MAMDC2: variants seen among roughly 807,000 people sequenced by gnomAD.
MAMDC2 encodes the protein MAM domain-containing protein 2.
MAMDC2 carries 57 observed loss-of-function variants against 89.8 expected under a neutral mutation model. The observed-to-expected ratio is 0.63, with a 90% CI of 0.51 to 0.79. The LOEUF is 0.79. Ranked by LOEUF, MAMDC2 falls within the 30% of genes least tolerant of loss-of-function variation. The pLI, the probability that MAMDC2 is intolerant of heterozygous loss-of-function variation, is 0.00. For missense variants in MAMDC2, 800 were observed against 820.6 expected, an observed-to-expected ratio of 0.97 and a Z score of 0.31; for synonymous variants, 313 against 293.4, an observed-to-expected ratio of 1.07 and a Z score of -0.68.
chr9:70,053,310 G>A (rs1223359220), intron 2 of MAMDC2, among the ~76,000 whole-genome samples: 1 of 152,206 alleles, frequency 6.6e-6, no homozygotes, highest in Non-Finnish European at 1.5e-5. Context: ...AATAAAACAA[G>A]TGGTATCATT....
intron 9 of MAMDC2, among the ~76,000 whole-genome samples, chr9:70,145,025 T>C (rs1420997698): frequency 1.3e-5 from 2 of 152,222 alleles, no homozygotes; most frequent in Non-Finnish European, 2.9e-5. Flanking sequence ...AAAACTATTT[T>C]CCATTGCTAG....
chr9:70,059,743 T>C (rs1827105851), intron 2 of MAMDC2, among the ~76,000 whole-genome samples: 2 of 152,238 alleles, frequency 1.3e-5, no homozygotes, highest in African/African-American at 4.8e-5. Flanking sequence ...GTGTAATGGC[T>C]GATGGCTATG....
At chr9:70,183,503 A>G (rs1263334789) in intron 11 of MAMDC2, among the ~76,000 whole-genome samples, 1 of 152,126 alleles carries the variant, frequency 6.6e-6, no homozygotes, top group Non-Finnish European at 1.5e-5. Context: ...GTCTTTAGGA[A>G]CTTGCTTTAT....
At chr9:70,077,648 G>A (rs546918160) in intron 2 of MAMDC2, among the ~76,000 whole-genome samples, 8 of 152,308 alleles carry the variant, frequency 5.3e-5, no homozygotes, top group African/African-American at 1.7e-4. Flanking sequence ...ATGAGAAATT[G>A]AGATGATGGT....
intron 11 of MAMDC2, among the ~76,000 whole-genome samples, chr9:70,187,884 T>C (rs1159982521): frequency 6.6e-6 from 1 of 152,220 alleles, no homozygotes; most frequent in Non-Finnish European, 1.5e-5. Context: ...TGTTTTCATT[T>C]TCTTTAAGGT....
chr9:70,140,160 C>T lies in MAMDC2; in HGVS notation c.1010C>T (p.Ala337Val), dbSNP rs761756187. 3.8e-6 allele frequency: 6 copies of T among 1,587,240 alleles called. No homozygotes were observed. The South Asian group carries it at 4.7e-5, about 12-fold the overall frequency. The change falls in exon 8 of 14, where the codon GCC (alanine) becomes GTC (valine). Residue 337 changes from alanine to valine, a missense_variant. Physicochemically the swap from Ala to Val is moderately conservative, Grantham distance 64. Coordinates refer to ENST00000377182, the MANE Select transcript of MAMDC2 (RefSeq NM_153267.5). The stretch of plus-strand genomic sequence containing the variant: ...CTTTGCTCAGAACTTCTGTTCAGTG[C>T]CGTGGAAGCCAGCTGCAATTTTGAG... ...CQNQTELLFSAVEASCNFEQD... is the reference protein window; with the variant it reads ...CQNQTELLFSVVEASCNFEQD...
In MAMDC2 at chr9:70,065,159, G is replaced by A. The variant is rs117699763; in HGVS notation, c.148+20462G>A. 2.6e-5 allele frequency among the ~76,000 whole-genome samples: 4 copies of A among 152,176 alleles called. No individual in the cohort carries two copies. In the East Asian group the frequency reaches 5.8e-4, roughly 22 times the overall value. ...TACTTATCCAAAAACCATGTGTATC[G>A]GTTTTCTAAATCTTGAAGGCAAGTG... On this transcript the variant is annotated intron_variant, in intron 2 of 13. Coordinates refer to ENST00000377182, the MANE Select transcript of MAMDC2 (RefSeq NM_153267.5).
chr9:70,133,467 A>G (rs1457241021), intron 7 of MAMDC2, among the ~76,000 whole-genome samples: 1 of 152,350 alleles, frequency 6.6e-6, no homozygotes, highest in East Asian at 1.9e-4. Flanking sequence ...CCTTCTGTGC[A>G]GGAACTTCCG....
chr9:70,125,015 A>G (rs140027611), intron 5 of MAMDC2, among the ~76,000 whole-genome samples: 285 of 152,354 alleles, frequency 1.9e-3, no homozygotes, highest in African/African-American at 6.6e-3. Context: ...CTGGCCAGGA[A>G]TTCTTATTAA....
intron 2 of MAMDC2, among the ~76,000 whole-genome samples, chr9:70,102,519 C>T (rs958005351): frequency 5.3e-5 from 8 of 152,104 alleles, no homozygotes; most frequent in Admixed American, 4.6e-4. Context: ...ATGTGTCCAG[C>T]GATTGAACAT....
intron 2 of MAMDC2, among the ~76,000 whole-genome samples, chr9:70,079,840 T>G (rs928594969): frequency 6.6e-6 from 1 of 152,140 alleles, no homozygotes; most frequent in African/African-American, 2.4e-5. Flanking sequence ...GTCCCCAACA[T>G]AAGCAAAACA....
At chr9:70,131,437 CAT>C (rs1268607533) in intron 6 of MAMDC2, 80 bp from the exon 7 acceptor site, 2 of 915,270 alleles carry the variant, frequency 2.2e-6, no homozygotes, top group Non-Finnish European at 3.4e-6. Context: ...GTTTGATTGA[CAT>C]GTCATTTTAA....
At chr9:70,208,799 T>A (rs1435018462) in intron 11 of MAMDC2, among the ~76,000 whole-genome samples, 1 of 152,202 alleles carries the variant, frequency 6.6e-6, no homozygotes, top group Admixed American at 6.5e-5. Context: ...TTTTGAGATA[T>A]GTCCCATCAA....
intron 2 of MAMDC2, among the ~76,000 whole-genome samples, chr9:70,089,974 G>A (rs968064527): frequency 6.6e-6 from 1 of 152,072 alleles, no homozygotes; most frequent in African/African-American, 2.4e-5. Context: ...GTTCTGCATT[G>A]AAATGATTAT....
intron 5 of MAMDC2, among the ~76,000 whole-genome samples, chr9:70,122,637 G>A (rs2030336302): frequency 6.6e-6 from 1 of 152,240 alleles, no homozygotes; most frequent in Non-Finnish European, 1.5e-5. Flanking sequence ...AGGGGTCCAT[G>A]ACAATATTTT....
chr9:70,168,514 A>C (rs1457513806), intron 9 of MAMDC2, 188 bp from the exon 10 acceptor site: 2 of 536,884 alleles, frequency 3.7e-6, no homozygotes, highest in Non-Finnish European at 6.6e-6. Flanking sequence ...TAATAATAAA[A>C]GTAATTCCAG....
At chr9:70,205,196 A>G (rs1490263259) in intron 11 of MAMDC2, among the ~76,000 whole-genome samples, 1 of 152,154 alleles carries the variant, frequency 6.6e-6, no homozygotes, top group African/African-American at 2.4e-5. Context: ...ACATACTTTA[A>G]CCATTTTAAG....
intron 11 of MAMDC2, among the ~76,000 whole-genome samples, chr9:70,189,520 T>G (rs996744136): frequency 2.6e-5 from 4 of 152,172 alleles, no homozygotes; most frequent in African/African-American, 9.7e-5. Flanking sequence ...TTGCTCATTG[T>G]CTTTGGCTTG....
chr9:70,213,390 A>G (rs1448136499), intron 11 of MAMDC2, among the ~76,000 whole-genome samples: 3 of 151,750 alleles, frequency 2.0e-5, no homozygotes, highest in East Asian at 1.9e-4. Flanking sequence ...AGGTGTGAAC[A>G]TTTTTTTCTT....
Sources: gnomAD v4.1 joint callset for allele counts (sites outside exome capture counted in the v4.1 genomes callset) on GRCh38, gnomAD v4.1.1 for gene constraint, MANE v1.5 for transcripts, NCBI Gene and HGNC (gene_info 2026-07-23, HGNC 2026-07-21) for gene names.